Variants in HECW1 observed in about 807,000 individuals in gnomAD.
HECW1 encodes HECT, C2 and WW domain containing E3 ubiquitin protein ligase 1, also known as E3 ubiquitin-protein ligase HECW1.
In HECW1, 61 loss-of-function variants were observed where a neutral mutation model predicts 182.3. The observed-to-expected ratio is 0.33, with a 90% CI of 0.27 to 0.41. The LOEUF is 0.41. HECW1 is among the 10% of genes least tolerant of loss of function. The pLI is 1.00. For synonymous variants in HECW1, 859 were observed against 832.6 expected (o/e 1.03, Z -0.55); for missense variants, 1,739 against 2,108.9 (o/e 0.82, Z 3.44).
rs187285315 is a variant in HECW1 at position 43,444,522 on chromosome 7, G to A, written c.1350G>A (p.Gln450=). 226 of 1,611,664 alleles carry A rather than the reference G, an allele frequency of 1.4e-4. 1 individual carries two copies. In the East Asian group the frequency reaches 4.4e-3, roughly 32 times the overall value. ...TGGCCCAGGTGCAAAAGGACATCCA[G>A]CCTGCCCCCAGTGCAGAAGAGCTGG... The part of the protein sequence containing the change: ...ELLAQVQKDI[Q]PAPSAEELAE... Residue 450 remains glutamine (Q), a synonymous_variant, in exon 11 of 30, where the codon CAG becomes CAA. Coordinates refer to ENST00000395891, the MANE Select transcript of HECW1 (RefSeq NM_015052.5). This position sits in a 1 kb window ranked among gnomAD's most constrained non-coding sequence, Gnocchi z 4.3.
At chr7:43,150,433 C>A (rs577636238) in intron 2 of HECW1, among the ~76,000 whole-genome samples, 5 of 152,236 alleles carry the variant, frequency 3.3e-5, no homozygotes, top group African/African-American at 9.6e-5. Context: ...GACAGGAGTG[C>A]AGTGGTGCAA....
At chr7:43,230,505 T>C (rs1283899734) in intron 2 of HECW1, among the ~76,000 whole-genome samples, 1 of 152,212 alleles carries the variant, frequency 6.6e-6, no homozygotes, top group Non-Finnish European at 1.5e-5. Flanking sequence ...AAGGACATTA[T>C]TGAGAACATT....
At chr7:43,543,111 A>G (rs1052002465) in intron 26 of HECW1, among the ~76,000 whole-genome samples, 5 of 152,246 alleles carry the variant, frequency 3.3e-5, no homozygotes, top group Non-Finnish European at 5.9e-5. Flanking sequence ...ATGGGTTACA[A>G]TTTTAACAGA....
At chr7:43,524,259 G>T (rs971798123) in intron 24 of HECW1, among the ~76,000 whole-genome samples, 2 of 152,148 alleles carry the variant, frequency 1.3e-5, no homozygotes, top group Non-Finnish European at 2.9e-5. Flanking sequence ...GGCTGTTCAT[G>T]CAGTTTTCAC....
At chr7:43,341,243 T>G (rs955647460) in intron 5 of HECW1, among the ~76,000 whole-genome samples, 4 of 151,342 alleles carry the variant, frequency 2.6e-5, no homozygotes, top group Non-Finnish European at 4.4e-5. Flanking sequence ...AAACTAACAT[T>G]GCACATGTAT....
At chr7:43,371,635 A>G (rs565727057) in intron 6 of HECW1, among the ~76,000 whole-genome samples, 1 of 152,298 alleles carries the variant, frequency 6.6e-6, no homozygotes, top group African/African-American at 2.4e-5. Context: ...TATCTTGGGC[A>G]TATTTGCAAA....
intron 3 of HECW1, among the ~76,000 whole-genome samples, chr7:43,299,090 G>A (rs961604528): frequency 7.9e-5 from 12 of 152,140 alleles, no homozygotes; most frequent in Admixed American, 2.0e-4. Flanking sequence ...ATCTATTACC[G>A]TATCCTCGAG....
At chr7:43,304,585 G>A (rs1807304057) in intron 3 of HECW1, among the ~76,000 whole-genome samples, 1 of 151,996 alleles carries the variant, frequency 6.6e-6, no homozygotes, top group African/African-American at 2.4e-5. Flanking sequence ...CCACCTCCCT[G>A]GTTCAAGCGA....
At chr7:43,534,109 G>A (rs1206210507) in intron 24 of HECW1, among the ~76,000 whole-genome samples, 6 of 152,120 alleles carry the variant, frequency 3.9e-5, no homozygotes, top group Admixed American at 6.5e-5. Flanking sequence ...TGAGGGTTTC[G>A]CTCAATTTTT....
rs924027314 is a variant in HECW1 at position 43,501,201 on chromosome 7, T to C, written c.3522-12T>C. 1.6e-6 allele frequency: 2 copies of C among 1,222,684 alleles called. No homozygotes were observed. The highest frequency in any genetic ancestry group is 2.3e-6 in the Non-Finnish European group (2 of 864,788). 75.7% of individuals were successfully genotyped at this position (1,222,684 alleles called of 1,614,324 possible). A position where few individuals can be genotyped will look rare whatever the true frequency, so the allele number is the denominator to read the frequency against. Reference sequence around the variant, plus strand: ...TTTCTTTCTTTTTTTTTTTTTTTTTTTTCATATGCAGTCTCTTTGAAGAAG... The same window carrying C: ...TTTCTTTCTTTTTTTTTTTTTTTTTCTTCATATGCAGTCTCTTTGAAGAAG... On this transcript the variant is annotated splice_polypyrimidine_tract_variant and intron_variant, in intron 20 of 29. Transcript: ENST00000395891.
chr7:43,113,560 GC>G (rs1305046328), intron 1 of HECW1: 1 of 175,374 alleles, frequency 5.7e-6, no homozygotes, highest in Non-Finnish European at 1.2e-5. Flanking sequence ...CCTGTTACCG[GC>G]CGGCTGCGCC....
At chr7:43,158,161 C>T (rs1790099092) in intron 2 of HECW1, among the ~76,000 whole-genome samples, 1 of 152,188 alleles carries the variant, frequency 6.6e-6, no homozygotes, top group Non-Finnish European at 1.5e-5. Context: ...TTACTTACTA[C>T]ATTTTCTCTT....
intron 6 of HECW1, among the ~76,000 whole-genome samples, chr7:43,362,701 G>C (rs1816118886): frequency 6.6e-6 from 1 of 152,218 alleles, no homozygotes; most frequent in African/African-American, 2.4e-5. Flanking sequence ...AAGAAAAAGT[G>C]AACCAGAAGC....
At chr7:43,223,965 C>T (rs1048895380) in intron 2 of HECW1, among the ~76,000 whole-genome samples, 9 of 152,228 alleles carry the variant, frequency 5.9e-5, no homozygotes, top group Non-Finnish European at 1.5e-5. Flanking sequence ...TCAACCCTTT[C>T]AACAGCCTCC....
intron 3 of HECW1, among the ~76,000 whole-genome samples, chr7:43,294,928 T>G (rs1285487782): frequency 2.0e-5 from 3 of 152,112 alleles, no homozygotes; most frequent in African/African-American, 7.2e-5. Flanking sequence ...AATCTATATG[T>G]GTAAGATGTA....
chr7:43,180,675 G>A lies in HECW1; in HGVS notation c.-31-63200G>A, dbSNP rs557068027. On this transcript the variant is annotated intron_variant, in intron 2 of 29. Coordinates refer to ENST00000395891, the MANE Select transcript of HECW1 (RefSeq NM_015052.5). ...CTCCCAAAGTGCTGGGATTACGGGC[G>A]TGAGCCACCGCGCCTGGCCAGTTTT... is the stretch of plus-strand genomic sequence containing the variant. 5.3e-5 allele frequency among the ~76,000 whole-genome samples: 8 copies of A among 152,340 alleles called. No individual in the cohort carries two copies. The South Asian group carries it at 1.0e-3, about 20-fold the overall frequency.
At chr7:43,536,158 G>A (rs2081171981) in intron 24 of HECW1, among the ~76,000 whole-genome samples, 1 of 152,154 alleles carries the variant, frequency 6.6e-6, no homozygotes, top group East Asian at 1.9e-4. Flanking sequence ...TGTTAAATGT[G>A]GGTTCTTGGT....
At chr7:43,287,471 C>CA (rs76382842) in intron 3 of HECW1, among the ~76,000 whole-genome samples, 21,181 of 152,014 alleles carry the variant, frequency 0.14, 1,860 homozygotes, top group East Asian at 0.26. Context: ...GAAGGTTTGG[C>CA]AGAGGGGATG....
rs1233029672 is a variant in HECW1, at chr7:43,336,124, T to TTCTCTCTC, written c.460+15394_460+15401dup. Among the ~76,000 whole-genome samples the TTCTCTCTC allele has an allele frequency of 4.1e-3, 264 of 64,252 alleles. 11 individuals are homozygous for TTCTCTCTC. Among genetic ancestry groups the TTCTCTCTC allele is most frequent in the African/African-American group, 7.8e-3 (107 of 13,774 alleles). 42.2% of individuals were successfully genotyped at this position (64,252 alleles called of 152,430 possible). ...CTTTCTTCTTTCTTTCTTTCTTTCTTTCTCTCTCTCTCTCTCTCTTTCTCT... is the reference window on the plus strand; with the variant it reads ...CTTTCTTCTTTCTTTCTTTCTTTCTTTCTCTCTCTCTCTCTCTCTCTCTCTCTTTCTCT... On this transcript the variant is annotated intron_variant, in intron 5 of 29. Transcript: ENST00000395891.
Sources: allele counts gnomAD v4.1 joint callset (sites outside exome capture counted in the v4.1 genomes callset), GRCh38; gene constraint gnomAD v4.1.1; non-coding constraint Gnocchi (gnomAD v3.1); transcripts MANE v1.5; gene names NCBI Gene and HGNC (gene_info 2026-07-23, HGNC 2026-07-21).